Variants in PPFIA2 observed in about 807,000 individuals in gnomAD.
PPFIA2 encodes PPFI scaffold protein A2, also known as liprin-alpha-2.
Under a neutral mutation model 175.5 loss-of-function variants are expected in PPFIA2, and 46 were observed. That is an observed-to-expected ratio of 0.26 (90% CI 0.21 to 0.34). The LOEUF (loss-of-function observed/expected upper bound fraction) is 0.34, where lower values mean the gene tolerates loss of function less well. PPFIA2 is among the 10% of genes least tolerant of loss of function. The pLI is 1.00. For missense variants in PPFIA2, 1,179 were observed against 1,506.1 expected (o/e 0.78, Z 3.60); for synonymous variants, 568 against 511.4 (o/e 1.11, Z -1.49).
At chr12:81,603,184 T>C (rs557555736) in intron 4 of PPFIA2, among the ~76,000 whole-genome samples, 1 of 151,940 alleles carries the variant, frequency 6.6e-6, no homozygotes, top group South Asian at 2.1e-4. Context: ...TCCTCACTTA[T>C]GAAATGGGGA....
chr12:81,467,174 T>C (rs1264297568), intron 4 of PPFIA2, among the ~76,000 whole-genome samples: 1 of 152,034 alleles, frequency 6.6e-6, no homozygotes, highest in Non-Finnish European at 1.5e-5. Context: ...GTGATTGACA[T>C]TAGTGTGATA....
At chr12:81,415,196 AAAAAAAAAAAAAAAATATATATATATAT>A (rs2044787596) in intron 7 of PPFIA2, among the ~76,000 whole-genome samples, 4 of 53,746 alleles carry the variant, frequency 7.4e-5, no homozygotes, top group African/African-American at 2.8e-4. Context: ...AAAAAAAAAA[AAAAAAAAAAAAAAAATATATATATATAT>A]ATATATATAT....
intron 4 of PPFIA2, among the ~76,000 whole-genome samples, chr12:81,570,705 A>T (rs1401284437): frequency 6.7e-6 from 1 of 148,356 alleles, no homozygotes; most frequent in Non-Finnish European, 1.5e-5. Context: ...ATTACATAAA[A>T]ATATAATATT....
At chr12:81,597,862 T>A in intron 4 of PPFIA2, 1 of 1,308,826 alleles carries the variant, frequency 7.6e-7, no homozygotes, top group Non-Finnish European at 1.0e-6. Context: ...TCCAACCTTT[T>A]TAAGTCTTTC....
chr12:81,562,017 T>C (rs2153394364), intron 4 of PPFIA2, among the ~76,000 whole-genome samples: 1 of 152,300 alleles, frequency 6.6e-6, no homozygotes, highest in South Asian at 2.1e-4. Context: ...AGAAAACAGG[T>C]ATCATCAAAG....
rs1172602266 is a variant in PPFIA2, at chr12:81,353,136, G to A, written c.1977C>T (p.Ala659=). ...LAMMLQEQLD[A]INKEIRLIQE... is the part of the protein sequence containing the mutation. ...GAAGTTACCTGATTTCTTTGTTGAT[G>A]GCATCCAATTGTTCCTGAAGCATCA... Residue 659 remains alanine, a synonymous_variant, in exon 17 of 33, where the codon GCC becomes GCT. Transcript: ENST00000549396. The A allele has an allele frequency of 1.2e-6, 2 of 1,613,666 alleles. No individual in the cohort carries two copies. The highest frequency in any genetic ancestry group is 1.1e-5 in the South Asian group (1 of 91,080).
Position 81,365,657 on chromosome 12 carries a change from GA to G in PPFIA2, c.1545+1450del, listed in dbSNP as rs548195494. Among the ~76,000 whole-genome samples the G allele has an allele frequency of 5.0e-3, 766 of 151,780 alleles. 6 individuals are homozygous for G. The highest frequency in any genetic ancestry group is 0.017 in the African/African-American group (711 of 41,468). ...TCTTGATTTTCTTTGTGCCGTTGCA[GA>G]GGATTCATCCTCTACTTAGAATGCT... On this transcript the variant is annotated intron_variant, in intron 14 of 32. Coordinates refer to ENST00000549396, the MANE Select transcript of PPFIA2 (RefSeq NM_003625.5).
At chr12:81,624,142 C>T (rs1257061371) in intron 4 of PPFIA2, among the ~76,000 whole-genome samples, 1 of 151,752 alleles carries the variant, frequency 6.6e-6, no homozygotes, top group Non-Finnish European at 1.5e-5. Context: ...TCAAAAGATG[C>T]TCTTCTTAGA....
At chr12:81,525,431 C>G (rs2063623713) in intron 4 of PPFIA2, among the ~76,000 whole-genome samples, 1 of 151,992 alleles carries the variant, frequency 6.6e-6, no homozygotes, top group Non-Finnish European at 1.5e-5. Flanking sequence ...TATGAAGCAC[C>G]CTGCAGGTAA....
At chr12:81,752,816 A>C (rs1399380353) in intron 3 of PPFIA2, among the ~76,000 whole-genome samples, 1 of 152,192 alleles carries the variant, frequency 6.6e-6, no homozygotes, top group East Asian at 1.9e-4. Context: ...ACTGTCTTTT[A>C]AGGAGCGGGC....
chr12:81,670,607 C>T (rs11114975), intron 4 of PPFIA2, among the ~76,000 whole-genome samples: 13,885 of 151,930 alleles, frequency 0.091, 881 homozygotes, highest in East Asian at 0.27. Flanking sequence ...TCCTGCATAA[C>T]CAAGCTCTTA....
intron 4 of PPFIA2, among the ~76,000 whole-genome samples, chr12:81,572,186 TTCTCCTAA>T (rs1016426150): frequency 6.6e-6 from 1 of 151,990 alleles, no homozygotes; most frequent in Admixed American, 6.6e-5. Context: ...AGCACTCCAC[TTCTCCTAA>T]TCTCCCTACT....
chr12:81,313,820 C>G (rs2051595051), intron 22 of PPFIA2, among the ~76,000 whole-genome samples: 1 of 151,926 alleles, frequency 6.6e-6, no homozygotes, highest in Non-Finnish European at 1.5e-5. Flanking sequence ...CCCTATAAAA[C>G]AAGTTGATTA....
intron 28 of PPFIA2, among the ~76,000 whole-genome samples, chr12:81,272,110 T>C (rs1219542801): frequency 1.3e-5 from 2 of 152,212 alleles, no homozygotes; most frequent in Non-Finnish European, 2.9e-5. Flanking sequence ...TTGAAATTAT[T>C]GTGGAGTTTA....
At chr12:81,716,699 G>A (rs1437381388) in intron 3 of PPFIA2, among the ~76,000 whole-genome samples, 1 of 151,692 alleles carries the variant, frequency 6.6e-6, no homozygotes, top group African/African-American at 2.4e-5. Flanking sequence ...ACTTACACCT[G>A]TGAAGTCAGA....
chr12:81,539,676 A>T (rs1054244656), intron 4 of PPFIA2, among the ~76,000 whole-genome samples: 1 of 151,860 alleles, frequency 6.6e-6, no homozygotes, highest in Non-Finnish European at 1.5e-5. Context: ...AAAAATTATG[A>T]ATTTTAATTA....
At chr12:81,685,423 CA>C (rs778925919) in intron 3 of PPFIA2, among the ~76,000 whole-genome samples, 7 of 151,622 alleles carry the variant, frequency 4.6e-5, no homozygotes, top group Admixed American at 2.0e-4. Flanking sequence ...TTCTTTAAAA[CA>C]AAAAAAGGGG....
chr12:81,550,177 A>C (rs190585824), intron 4 of PPFIA2, among the ~76,000 whole-genome samples: 1 of 152,084 alleles, frequency 6.6e-6, no homozygotes, highest in Admixed American at 6.6e-5. Flanking sequence ...GAAAATGTAC[A>C]AATGAAGAAG....
At chr12:81,756,719 C>A (rs1365400256) in intron 2 of PPFIA2, among the ~76,000 whole-genome samples, 1 of 152,030 alleles carries the variant, frequency 6.6e-6, no homozygotes, top group South Asian at 2.1e-4. Context: ...TGAGAACACA[C>A]AGCAAAACAT....
Sources: gnomAD v4.1 joint callset for allele counts (sites outside exome capture counted in the v4.1 genomes callset) on GRCh38, gnomAD v4.1.1 for gene constraint, MANE v1.5 for transcripts, NCBI Gene and HGNC (gene_info 2026-07-23, HGNC 2026-07-21) for gene names.